Variants in BTG4 observed in about 807,000 individuals in gnomAD.
The protein encoded by BTG4 is protein BTG4.
A neutral mutation model predicts 19.3 loss-of-function variants in BTG4; 10 were observed. That is an observed-to-expected ratio of 0.52 (90% CI 0.32 to 0.88). BTG4 has a LOEUF of 0.88. BTG4 is among the 40% of genes least tolerant of loss of function. The pLI is 0.04. For synonymous variants in BTG4, 91 were observed against 95.7 expected (o/e 0.95, Z 0.29); for missense variants, 238 against 281.9 (o/e 0.84, Z 1.11).
the BTG4 span, among the ~76,000 whole-genome samples, chr11:111,432,301 A>G: frequency 6.6e-6 from 1 of 152,154 alleles, no homozygotes; most frequent in East Asian, 1.9e-4. Flanking sequence ...TGGGTACCAA[A>G]CAAACACACA....
the BTG4 span, among the ~76,000 whole-genome samples, chr11:111,422,742 G>C: frequency 6.6e-6 from 1 of 152,122 alleles, no homozygotes; most frequent in Non-Finnish European, 1.5e-5. Flanking sequence ...TCCCTCCCCT[G>C]CTCAATAAGA....
the BTG4 span, among the ~76,000 whole-genome samples, chr11:111,392,116 G>A: frequency 2.6e-5 from 4 of 151,774 alleles, no homozygotes; most frequent in South Asian, 6.3e-4. Flanking sequence ...AGCTAGGCAA[G>A]GGCAAAGATA....
At chr11:111,417,014 T>C in the BTG4 span, 1 of 152,186 alleles carries the variant, frequency 6.6e-6, no homozygotes, top group Non-Finnish European at 1.5e-5. Flanking sequence ...TCTGTGTACA[T>C]CCAGTTTGCC....
chr11:111,390,991 A>G, the BTG4 span, among the ~76,000 whole-genome samples: 5 of 152,238 alleles, frequency 3.3e-5, no homozygotes, highest in African/African-American at 1.2e-4. Flanking sequence ...AAAATTTGGC[A>G]GACTTCTGGT....
the BTG4 span, chr11:111,453,391 C>A: frequency 2.2e-6 from 1 of 445,650 alleles, no homozygotes; most frequent in African/African-American, 2.0e-5. Flanking sequence ...TTCCCACTCC[C>A]CATTATGTAC....
chr11:111,415,230 CG>C, the BTG4 span, among the ~76,000 whole-genome samples: 6,122 of 152,268 alleles, frequency 0.04, 126 homozygotes, highest in Middle Eastern at 0.14. Flanking sequence ...CAGTGACCCC[CG>C]CCTCCCCTGC....
chr11:111,476,096 C>T (rs1191427886), intron 5 of BTG4, among the ~76,000 whole-genome samples: 1 of 147,756 alleles, frequency 6.8e-6, no homozygotes, highest in Non-Finnish European at 1.5e-5. Flanking sequence ...GGGGACACAG[C>T]CAAACCATAT....
chr11:111,459,093 A>C, the BTG4 span, among the ~76,000 whole-genome samples: 1 of 152,104 alleles, frequency 6.6e-6, no homozygotes, highest in Non-Finnish European at 1.5e-5. Flanking sequence ...AATACAAAAA[A>C]TAGCCAGACA....
At chr11:111,419,953 T>C in the BTG4 span, among the ~76,000 whole-genome samples, 1 of 152,238 alleles carries the variant, frequency 6.6e-6, no homozygotes, top group Admixed American at 6.5e-5. Flanking sequence ...CTTGGCTTAG[T>C]TTGGCCACAC....
At chr11:111,395,305 C>T in the BTG4 span, among the ~76,000 whole-genome samples, 1 of 152,226 alleles carries the variant, frequency 6.6e-6, no homozygotes, top group Non-Finnish European at 1.5e-5. Context: ...GGACTGTCAC[C>T]TCCGCAGGCC....
At chr11:111,403,869 C>T in the BTG4 span, among the ~76,000 whole-genome samples, 2 of 152,148 alleles carry the variant, frequency 1.3e-5, no homozygotes, top group African/African-American at 4.8e-5. Context: ...AGCAGTAGAA[C>T]TAATAACAAA....
the BTG4 span, among the ~76,000 whole-genome samples, chr11:111,408,413 G>A: frequency 1.3e-5 from 2 of 152,154 alleles, no homozygotes; most frequent in Non-Finnish European, 2.9e-5. Context: ...GGAATGAGTG[G>A]ACGAGCAGAC....
chr11:111,410,988 G>A, the BTG4 span, among the ~76,000 whole-genome samples: 2 of 151,892 alleles, frequency 1.3e-5, no homozygotes, highest in South Asian at 2.1e-4. Context: ...CAGCATCTCC[G>A]CCGACATTAC....
the BTG4 span, among the ~76,000 whole-genome samples, chr11:111,439,390 G>A: frequency 2.0e-5 from 3 of 152,130 alleles, no homozygotes; most frequent in Admixed American, 6.5e-5. Flanking sequence ...ATGCCCAGAA[G>A]GGCTCTTTAA....
At chr11:111,453,578 G>T in the BTG4 span, 2 of 449,988 alleles carry the variant, frequency 4.4e-6, no homozygotes, top group East Asian at 1.4e-4. Flanking sequence ...GTTGAGGGGG[G>T]TCCTGGTGAG....
the BTG4 span, among the ~76,000 whole-genome samples, chr11:111,441,543 C>T: frequency 6.6e-6 from 1 of 152,198 alleles, no homozygotes; most frequent in Admixed American, 6.5e-5. Flanking sequence ...AGATGCCTTA[C>T]GGATTGACTT....
chr11:111,512,583 G>A (rs1867029850), upstream of BTG4, among the ~76,000 whole-genome samples: 1 of 152,166 alleles, frequency 6.6e-6, no homozygotes. Context: ...GTGGGAGCCC[G>A]GGCCGAGGAG....
the BTG4 span, among the ~76,000 whole-genome samples, chr11:111,394,176 G>A: frequency 3.6e-4 from 55 of 152,180 alleles, no homozygotes; most frequent in Non-Finnish European, 6.3e-4. Context: ...ATTAGGCATG[G>A]GGAAGAAGTC....
downstream of BTG4, among the ~76,000 whole-genome samples, chr11:111,463,799 G>A (rs139949493): frequency 3.9e-5 from 6 of 152,342 alleles, no homozygotes; most frequent in East Asian, 1.2e-3. Flanking sequence ...GGCCAGGACT[G>A]CAGTCATCTC....
Sources: allele counts gnomAD v4.1 joint callset (sites outside exome capture counted in the v4.1 genomes callset), GRCh38; gene constraint gnomAD v4.1.1; transcripts MANE v1.5; gene names NCBI Gene and HGNC (gene_info 2026-07-23, HGNC 2026-07-21).